Variants in NEDD1 observed in about 807,000 individuals in gnomAD.
The protein encoded by NEDD1 is protein NEDD1.
A neutral mutation model predicts 74.0 loss-of-function variants in NEDD1; 33 were observed. The observed-to-expected ratio is 0.45, with a 90% CI of 0.34 to 0.60. The LOEUF is 0.60. Ranked by LOEUF, NEDD1 falls within the 20% of genes least tolerant of loss-of-function variation. The probability of loss-of-function intolerance (pLI) is 0.01; values close to 1 mark genes in which losing one functional copy is unlikely to be tolerated. For missense variants in NEDD1, 746 were observed against 776.5 expected, an observed-to-expected ratio of 0.96 and a Z score of 0.47; for synonymous variants, 250 against 264.4, an observed-to-expected ratio of 0.95 and a Z score of 0.53.
At chr12:96,912,564 A>G (rs1008993673) in intron 3 of NEDD1, 159 bp from the exon 4 acceptor site, 29 of 478,040 alleles carry the variant, frequency 6.1e-5, no homozygotes, top group Middle Eastern at 5.5e-4. Flanking sequence ...AGTCTTAGTA[A>G]TTATTAATAG....
chr12:96,934,497 TTTTC>T (rs1446465653), intron 6 of NEDD1, among the ~76,000 whole-genome samples: 2 of 150,722 alleles, frequency 1.3e-5, no homozygotes, highest in Admixed American at 6.6e-5. Context: ...TTTTCTTTTC[TTTTC>T]TTTTTTTTTT....
intron 9 of NEDD1, 47 bp from the exon 10 acceptor site, chr12:96,940,361 AT>A: frequency 8.3e-7 from 1 of 1,207,608 alleles, no homozygotes; most frequent in Non-Finnish European, 1.2e-6. Flanking sequence ...TTATGATAAA[AT>A]TTATTTAGAT....
chr12:96,919,637 C>T (rs1258356432), intron 5 of NEDD1, among the ~76,000 whole-genome samples: 1 of 152,166 alleles, frequency 6.6e-6, no homozygotes, highest in African/African-American at 2.4e-5. Flanking sequence ...TTTCTCTTTC[C>T]TCTGACACTT....
intron 6 of NEDD1, among the ~76,000 whole-genome samples, chr12:96,924,664 A>G (rs1376263420): frequency 1.3e-5 from 2 of 152,198 alleles, no homozygotes; most frequent in Non-Finnish European, 2.9e-5. Flanking sequence ...TTATCCAAAA[A>G]TTCTGCTAAA....
chr12:96,929,624 T>TG (rs34602531), intron 6 of NEDD1, among the ~76,000 whole-genome samples: 1 of 125,334 alleles, frequency 8.0e-6, no homozygotes, highest in African/African-American at 3.5e-5. Flanking sequence ...TATATATATA[T>TG]TTTTTTTTTA....
chr12:96,932,566 T>TC (rs35497488), intron 6 of NEDD1, among the ~76,000 whole-genome samples: 45,642 of 132,602 alleles, frequency 0.34, 8,972 homozygotes, highest in Non-Finnish European at 0.41. Flanking sequence ...GTTTTGTTTA[T>TC]CCAGGATTCT....
At chr12:96,951,314 T>G in intron 14 of NEDD1, 118 bp from the exon 15 acceptor site, 1 of 539,922 alleles carries the variant, frequency 1.9e-6, no homozygotes. Flanking sequence ...ATTTTTATTA[T>G]TATAGTAATT....
chr12:96,927,384 CAGT>C (rs1362411671), intron 6 of NEDD1, among the ~76,000 whole-genome samples: 6 of 152,176 alleles, frequency 3.9e-5, no homozygotes, highest in African/African-American at 1.2e-4. Context: ...ATGTGGATCA[CAGT>C]GTCTTTCTAC....
intron 4 of NEDD1, among the ~76,000 whole-genome samples, chr12:96,914,820 ATTAT>A (rs1239461647): frequency 3.3e-5 from 5 of 152,176 alleles, no homozygotes; most frequent in Admixed American, 1.3e-4. Flanking sequence ...ATTTCCATTA[ATTAT>A]TTAAGTTCAT....
chr12:96,952,104 A>C lies in NEDD1; in HGVS notation c.*51A>C, dbSNP rs376069489. ...TGTAATTTGGGAAGTTTCTGGCAAC[A>C]CAGAACTACATAGAATCAGTATTGT... On this transcript the variant is annotated 3_prime_UTR_variant, in exon 16 of 16. Transcript: ENST00000266742. 8.5e-6 allele frequency: 8 copies of C among 946,256 alleles called. No homozygotes were observed. Among genetic ancestry groups the C allele is most frequent in the Non-Finnish European group, 1.2e-5 (7 of 581,234 alleles). 58.6% of individuals were successfully genotyped at this position (946,256 alleles called of 1,614,324 possible). A position where few individuals can be genotyped will look rare whatever the true frequency, so the allele number is the denominator to read the frequency against.
In NEDD1 at chr12:96,917,649, C is replaced by A. The variant is rs772233941; in HGVS notation, c.260C>A (p.Ser87Tyr). The A allele has an allele frequency of 1.3e-6, 2 of 1,492,278 alleles. No homozygotes were observed. The highest frequency in any genetic ancestry group is 1.8e-6 in the Non-Finnish European group (2 of 1,129,582). The allele number at this position is 1,492,278 out of a possible 1,614,324, so 92.4% of individuals were successfully genotyped here. ...AAGCAGACATGTGTCAATTTAAATT[C>A]TACATCTATGTATTTGGTAAGCGGA... ...GQKQTCVNLNSTSMYLVSGGL... is the reference protein window; with the variant it reads ...GQKQTCVNLNYTSMYLVSGGL... The change falls in exon 5 of 16, where the codon TCT becomes TAT. Residue 87 changes from serine (S) to tyrosine (Y), a missense_variant. Ser to Tyr is a moderately radical substitution (Grantham distance 144). Around this residue, in one of 3 missense-constraint regions of NEDD1, gnomAD observed 706 missense variants for 706.7 expected, o/e 1.00. Transcript: ENST00000266742.
At chr12:96,922,928 A>C (rs1351493295) in intron 6 of NEDD1, among the ~76,000 whole-genome samples, 1 of 152,036 alleles carries the variant, frequency 6.6e-6, no homozygotes, top group Non-Finnish European at 1.5e-5. Flanking sequence ...CACCTTGGGC[A>C]ATGTGGCAAA....
intron 9 of NEDD1, among the ~76,000 whole-genome samples, chr12:96,939,466 GTTTAT>G (rs542402725): frequency 6.6e-6 from 1 of 152,020 alleles, no homozygotes; most frequent in Non-Finnish European, 1.5e-5. Flanking sequence ...TATTAGAAAA[GTTTAT>G]TTTATTCGCC....
intron 14 of NEDD1, among the ~76,000 whole-genome samples, chr12:96,950,963 T>C (rs758579906): frequency 1.3e-5 from 2 of 151,920 alleles, no homozygotes; most frequent in Admixed American, 6.6e-5. Flanking sequence ...AGTACATTTT[T>C]TCAATAGCTA....
intron 6 of NEDD1, among the ~76,000 whole-genome samples, chr12:96,927,709 A>G (rs1279751775): frequency 6.6e-6 from 1 of 152,192 alleles, no homozygotes; most frequent in African/African-American, 2.4e-5. Flanking sequence ...GTAAGCATTA[A>G]TAGTCTGCTT....
intron 4 of NEDD1, among the ~76,000 whole-genome samples, chr12:96,916,263 T>A (rs1054121842): frequency 8.4e-6 from 1 of 119,348 alleles, no homozygotes; most frequent in Non-Finnish European, 1.8e-5. Flanking sequence ...TATTATTATT[T>A]TTAAATTATA....
intron 14 of NEDD1, among the ~76,000 whole-genome samples, chr12:96,946,477 C>CTAA (rs1878211375): frequency 6.6e-6 from 1 of 152,058 alleles, no homozygotes; most frequent in African/African-American, 2.4e-5. Context: ...ATTTGGATTA[C>CTAA]CGTAAGCAAG....
At chr12:96,929,550 C>T (rs1490348576) in intron 6 of NEDD1, among the ~76,000 whole-genome samples, 3 of 111,672 alleles carry the variant, frequency 2.7e-5, no homozygotes, top group African/African-American at 1.1e-4. Flanking sequence ...CTATTGTTTT[C>T]ATGTATACAC....
chr12:96,914,224 A>T (rs1874211999), intron 4 of NEDD1, among the ~76,000 whole-genome samples: 1 of 152,244 alleles, frequency 6.6e-6, no homozygotes, highest in Admixed American at 6.5e-5. Flanking sequence ...AAACTTGTTA[A>T]TGTCAACATC....
Sources: allele counts gnomAD v4.1 joint callset (sites outside exome capture counted in the v4.1 genomes callset), GRCh38; gene constraint gnomAD v4.1.1; regional missense constraint gnomAD v4.1.1; transcripts MANE v1.5; gene names NCBI Gene and HGNC (gene_info 2026-07-23, HGNC 2026-07-21).